Variants in IL1RAP observed in about 807,000 individuals in gnomAD.
IL1RAP encodes interleukin-1 receptor accessory protein.
IL1RAP carries 35 observed loss-of-function variants against 60.7 expected under a neutral mutation model. The ratio of observed to expected loss-of-function variants is 0.58; its 90% confidence interval spans 0.44 to 0.76. The LOEUF is 0.76. Among genes scored for constraint, IL1RAP ranks in the 30% least tolerant of loss-of-function variants. The probability of loss-of-function intolerance (pLI) is 0.00; values close to 1 mark genes in which losing one functional copy is unlikely to be tolerated. For missense variants in IL1RAP, 572 were observed against 693.9 expected (o/e 0.82, Z 1.97); for synonymous variants, 268 against 250.9 (o/e 1.07, Z -0.64).
chr3:190,567,160 C>T (rs190453923), intron 3 of IL1RAP, among the ~76,000 whole-genome samples: 50 of 152,254 alleles, frequency 3.3e-4, no homozygotes, highest in Non-Finnish European at 6.0e-4. Flanking sequence ...TGAAGTCATA[C>T]GATTCTGACT....
chr3:190,614,036 G>A (rs1015965737), intron 5 of IL1RAP, among the ~76,000 whole-genome samples: 3 of 151,846 alleles, frequency 2.0e-5, no homozygotes, highest in African/African-American at 7.2e-5. Flanking sequence ...TGCTAACTTT[G>A]CCTTCTATTT....
intron 9 of IL1RAP, among the ~76,000 whole-genome samples, chr3:190,640,793 A>G (rs1186384832): frequency 6.6e-6 from 1 of 152,198 alleles, no homozygotes; most frequent in Non-Finnish European, 1.5e-5. Flanking sequence ...AGTTATTTAC[A>G]TTGAACTACA....
intron 3 of IL1RAP, among the ~76,000 whole-genome samples, chr3:190,568,682 C>G (rs1443132329): frequency 6.6e-6 from 1 of 152,106 alleles, no homozygotes; most frequent in African/African-American, 2.4e-5. Context: ...ACCAAGCCAA[C>G]CAACCAAACA....
chr3:190,544,564 T>G (rs375134346), intron 1 of IL1RAP, among the ~76,000 whole-genome samples: 3 of 152,224 alleles, frequency 2.0e-5, no homozygotes, highest in East Asian at 3.9e-4. Flanking sequence ...GTGAGAGAAT[T>G]CCTAGGAATT....
At chr3:190,656,824 T>C (rs1333504105) in exon 12 of IL1RAP, 5 of 451,502 alleles carry the variant, frequency 1.1e-5, no homozygotes, top group Admixed American at 3.9e-5. Context: ...ACACTCTTCT[T>C]GGGCCCTAGA....
intron 3 of IL1RAP, among the ~76,000 whole-genome samples, chr3:190,592,388 A>G (rs1280313665): frequency 6.6e-6 from 1 of 152,216 alleles, no homozygotes; most frequent in Non-Finnish European, 1.5e-5. Flanking sequence ...ATTCTGCACA[A>G]CAGCAGGAAG....
At chr3:190,528,097 G>C (rs1722670576) in intron 1 of IL1RAP, among the ~76,000 whole-genome samples, 1 of 152,062 alleles carries the variant, frequency 6.6e-6, no homozygotes, top group African/African-American at 2.4e-5. Flanking sequence ...CTTAATCTTA[G>C]TTATGCAGCA....
At chr3:190,625,519 TG>T (rs1436529174) in intron 7 of IL1RAP, among the ~76,000 whole-genome samples, 1 of 152,174 alleles carries the variant, frequency 6.6e-6, no homozygotes, top group African/African-American at 2.4e-5. Context: ...AGATTTGACC[TG>T]TGCCAAAACT....
intron 4 of IL1RAP, among the ~76,000 whole-genome samples, chr3:190,607,658 G>A (rs1730456891): frequency 6.6e-6 from 1 of 152,192 alleles, no homozygotes; most frequent in Non-Finnish European, 1.5e-5. Flanking sequence ...CCTCCAGGCA[G>A]ACGGAACAAC....
intron 5 of IL1RAP, among the ~76,000 whole-genome samples, chr3:190,613,391 A>T (rs1730990133): frequency 6.6e-6 from 1 of 152,174 alleles, no homozygotes; most frequent in Non-Finnish European, 1.5e-5. Context: ...CGTGATTATG[A>T]GTCTGGAGCT....
rs528954343 is a variant in IL1RAP, at chr3:190,656,919, C to T, written c.*312C>T. 1.8e-5 allele frequency: 4 copies of T among 220,714 alleles called. No homozygotes were observed. The South Asian group carries it at 5.1e-4, about 28-fold the overall frequency. The allele number at this position is 220,714 out of a possible 1,614,324, so 13.7% of individuals were successfully genotyped here. On this transcript the variant is annotated 3_prime_UTR_variant, in exon 12 of 12. Transcript: ENST00000317757. Reference sequence around the variant, plus strand: ...CTGAGCTAAGAATTTAAATGTGTTTCTTTTCAGTGAGTTGATCAACCTCAC... The same window carrying T: ...CTGAGCTAAGAATTTAAATGTGTTTTTTTTCAGTGAGTTGATCAACCTCAC...
At chr3:190,611,957 A>G (rs556192510) in intron 5 of IL1RAP, among the ~76,000 whole-genome samples, 24 of 152,248 alleles carry the variant, frequency 1.6e-4, no homozygotes, top group Non-Finnish European at 3.5e-4. Context: ...GCAAATTATG[A>G]AAAGATCAGG....
rs199684580 is a variant in IL1RAP, at chr3:190,605,496, A to AT, written c.350+1092dup. ...TGTTTTCTAAACTCCCATCCGGGTTATTTTTTTTTCTTTTAACGACTTCCT... is the reference window on the plus strand; with the variant it reads ...TGTTTTCTAAACTCCCATCCGGGTTATTTTTTTTTTCTTTTAACGACTTCCT... On this transcript the variant is annotated intron_variant, in intron 4 of 11. Transcript: ENST00000447382. 1.5e-4 allele frequency among the ~76,000 whole-genome samples: 23 copies of AT among 151,298 alleles called. 1 individual carries two copies. The East Asian group carries it at 2.9e-3, about 19-fold the overall frequency.
At chr3:190,564,391 G>A (rs770735925) in intron 3 of IL1RAP, 38 bp downstream of exon 3, 6 of 1,322,832 alleles carry the variant, frequency 4.5e-6, no homozygotes, top group Non-Finnish European at 2.2e-6. Context: ...TAAAATGCAA[G>A]TCATGCGTAG....
chr3:190,656,221 T>C (rs1734615051), downstream of IL1RAP: 3 of 1,537,098 alleles, frequency 2.0e-6, no homozygotes, highest in African/African-American at 4.1e-5. Context: ...TGAGAGCTGC[T>C]CTTCCCAGTC....
intron 1 of IL1RAP, among the ~76,000 whole-genome samples, chr3:190,530,024 A>G (rs537022855): frequency 6.6e-6 from 1 of 152,240 alleles, no homozygotes; most frequent in East Asian, 1.9e-4. Flanking sequence ...CCTAACTTGG[A>G]ACCATAAAGA....
chr3:190,587,034 C>T (rs1453584075), intron 3 of IL1RAP, among the ~76,000 whole-genome samples: 8 of 152,142 alleles, frequency 5.3e-5, no homozygotes, highest in South Asian at 2.1e-4. Flanking sequence ...GAAAAACTGG[C>T]TTGATTTATA....
chr3:190,574,810 T>A (rs925474156), intron 3 of IL1RAP, among the ~76,000 whole-genome samples: 7 of 152,226 alleles, frequency 4.6e-5, no homozygotes, highest in African/African-American at 1.7e-4. Flanking sequence ...TTTGTGTGTA[T>A]GGCAACAAAA....
At chr3:190,655,576 TGTGTGTGTGTGTG>T, downstream of IL1RAP, among the ~76,000 whole-genome samples, 1 of 150,430 alleles carries the variant, frequency 6.6e-6, no homozygotes, top group East Asian at 2.0e-4. Flanking sequence ...TGTGTGTGTG[TGTGTGTGTGTGTG>T]TGTGTGTGTG....
Sources: allele counts gnomAD v4.1 joint callset (sites outside exome capture counted in the v4.1 genomes callset), GRCh38; gene constraint gnomAD v4.1.1; transcripts MANE v1.5; gene names NCBI Gene and HGNC (gene_info 2026-07-23, HGNC 2026-07-21).